Variants in PNPLA8 observed in about 807,000 individuals in gnomAD.
The protein encoded by PNPLA8 is patatin like domain 8, phospholipase A2, also known as calcium-independent phospholipase A2-gamma.
Under a neutral mutation model 76.9 loss-of-function variants are expected in PNPLA8, and 39 were observed. That is an observed-to-expected ratio of 0.51 (90% CI 0.39 to 0.66). The LOEUF is 0.66. Ranked by LOEUF, PNPLA8 falls within the 30% of genes least tolerant of loss-of-function variation. The probability of loss-of-function intolerance (pLI) is 0.00; values close to 1 mark genes in which losing one functional copy is unlikely to be tolerated. For synonymous variants in PNPLA8, 301 were observed against 307.9 expected, an observed-to-expected ratio of 0.98 and a Z score of 0.24; for missense variants, 887 against 918.0, an observed-to-expected ratio of 0.97 and a Z score of 0.44.
Position 108,502,523 on chromosome 7 carries a change from G to T in PNPLA8, c.1326C>A (p.Ile442=). ...GYVDPVKGRG[I]RILSIDGGGT... is the part of the protein sequence containing the mutation. Reference sequence around the variant, plus strand: ...CTCCACCATCAATTGAGAGAATTCGGATTCCTCTCCCTTTCACTGGATCCA... The same window carrying T: ...CTCCACCATCAATTGAGAGAATTCGTATTCCTCTCCCTTTCACTGGATCCA... The change falls in exon 5 of 11, where the codon ATC becomes ATA. Residue 442 remains isoleucine, a synonymous_variant. Coordinates refer to ENST00000257694, the MANE Select transcript of PNPLA8 (RefSeq NM_001256007.3). 6.2e-7 allele frequency: 1 copy of T among 1,610,096 alleles called. No homozygotes were observed. The highest frequency in any genetic ancestry group is 1.1e-5 in the South Asian group (1 of 90,848).
At position 108,516,034 on chromosome 7, in the gene PNPLA8, T is replaced by C. The variant is rs151020141; in HGVS notation, c.-83-460A>G. Among the ~76,000 whole-genome samples the C allele has an allele frequency of 5.7e-3, 863 of 152,322 alleles. 1 individual carries two copies. Among genetic ancestry groups the C allele is most frequent in the Non-Finnish European group, 9.7e-3 (660 of 68,022 alleles). ...CTATACCAGACATGGTGCTAGATGCTGAAGCCACACAGTTACAGGATATGA... is the reference window on the plus strand; with the variant it reads ...CTATACCAGACATGGTGCTAGATGCCGAAGCCACACAGTTACAGGATATGA... On this transcript the variant is annotated intron_variant, in intron 2 of 10. Coordinates refer to ENST00000257694, the MANE Select transcript of PNPLA8 (RefSeq NM_001256007.3).
intron 7 of PNPLA8, among the ~76,000 whole-genome samples, chr7:108,492,530 C>T (rs1028459050): frequency 6.6e-6 from 1 of 151,198 alleles, no homozygotes; most frequent in Admixed American, 6.6e-5. Flanking sequence ...TTCTCAAAAC[C>T]TAAAATGCTT....
chr7:108,527,802 CTG>C (rs1378930770), upstream of PNPLA8: 2 of 152,088 alleles, frequency 1.3e-5, no homozygotes, highest in Non-Finnish European at 2.9e-5. Flanking sequence ...CTTGCTAAAA[CTG>C]GACTCAGCAG....
At chr7:108,516,466 T>G (rs567604647) in intron 2 of PNPLA8, among the ~76,000 whole-genome samples, 1 of 152,220 alleles carries the variant, frequency 6.6e-6, no homozygotes, top group South Asian at 2.1e-4. Context: ...AGATTACAGA[T>G]CTAAATGTAA....
intron 4 of PNPLA8, chr7:108,510,868 G>A (rs1598950643): frequency 1.3e-6 from 2 of 1,594,894 alleles, no homozygotes; most frequent in Non-Finnish European, 1.7e-6. Flanking sequence ...CCTTCAAATT[G>A]TCTTCTCCAC....
chr7:108,525,563 G>A (rs969420419), intron 1 of PNPLA8, among the ~76,000 whole-genome samples: 7 of 152,196 alleles, frequency 4.6e-5, no homozygotes, highest in African/African-American at 1.7e-4. Flanking sequence ...ATCAAATGTG[G>A]ATGGGGTCAG....
At chr7:108,519,634 G>A (rs1863599237) in intron 2 of PNPLA8, among the ~76,000 whole-genome samples, 1 of 152,120 alleles carries the variant, frequency 6.6e-6, no homozygotes, top group Admixed American at 6.5e-5. Flanking sequence ...AGCAAAGCCT[G>A]CCTTGTCTTC....
rs777271916 is a variant in PNPLA8, at chr7:108,487,843, C to G, written c.1794G>C (p.Gln598His). The change falls in exon 9 of 11, where the codon CAG becomes CAC. Residue 598 changes from glutamine (Q) to histidine (H), a missense_variant. By Grantham distance (24) the Gln-to-His change is conservative. Coordinates refer to ENST00000257694, the MANE Select transcript of PNPLA8 (RefSeq NM_001256007.3). ...GINSHYLGGC[Q>H]YKMWQAIRAS... is the part of the protein sequence containing the mutation. ...CTCTAATGGCCTGCCACATTTTATACTGACAGCCTCCCAAATAATGAGAGT... is the reference window on the plus strand; with the variant it reads ...CTCTAATGGCCTGCCACATTTTATAGTGACAGCCTCCCAAATAATGAGAGT... The G allele has an allele frequency of 5.6e-6, 9 of 1,613,396 alleles. No homozygotes were observed. Among genetic ancestry groups the G allele is most frequent in the Non-Finnish European group, 6.8e-6 (8 of 1,179,412 alleles).
chr7:108,514,261 G>C lies in PNPLA8; in HGVS notation c.1089C>G (p.Thr363=). The C allele has an allele frequency of 6.2e-7, 1 of 1,612,056 alleles. No individual in the cohort carries two copies. The highest frequency in any genetic ancestry group is 1.7e-5 in the Admixed American group (1 of 59,986). The change falls in exon 4 of 11, where the codon ACC becomes ACG. Residue 363 remains threonine (T), a synonymous_variant. Coordinates refer to ENST00000257694, the MANE Select transcript of PNPLA8 (RefSeq NM_001256007.3). ...TTCTTAATGCCTGAACTAATGCCCG[G>C]GTCCTGTTATCAATACTCACCCTTG... ...IIARVSIDNR[T]RALVQALRRT...
At chr7:108,517,031 C>A (rs961329393) in intron 2 of PNPLA8, among the ~76,000 whole-genome samples, 2 of 152,054 alleles carry the variant, frequency 1.3e-5, no homozygotes, top group Non-Finnish European at 2.9e-5. Context: ...AGCTGTCATC[C>A]GTAATATCCA....
intron 9 of PNPLA8, among the ~76,000 whole-genome samples, chr7:108,481,877 T>A (rs756668467): frequency 2.0e-5 from 3 of 152,120 alleles, no homozygotes; most frequent in Non-Finnish European, 2.9e-5. Flanking sequence ...TTCTGGGGTG[T>A]GTTTGTGTGT....
At chr7:108,519,762 A>C (rs1381313113) in intron 2 of PNPLA8, among the ~76,000 whole-genome samples, 1 of 152,046 alleles carries the variant, frequency 6.6e-6, no homozygotes, top group Non-Finnish European at 1.5e-5. Flanking sequence ...CCCTATCTAC[A>C]AAAAGACCAG....
intron 9 of PNPLA8, among the ~76,000 whole-genome samples, chr7:108,486,283 T>A (rs2154515101): frequency 6.6e-6 from 1 of 152,262 alleles, no homozygotes; most frequent in South Asian, 2.1e-4. Context: ...ACTATTAAGG[T>A]TATAACTTAA....
chr7:108,515,584 C>A lies in PNPLA8; in HGVS notation c.-83-10G>T, dbSNP rs1863280918. 4 of 1,252,904 alleles carry A rather than the reference C, an allele frequency of 3.2e-6. No individual in the cohort carries two copies. Among genetic ancestry groups the A allele is most frequent in the South Asian group, 3.5e-5 (1 of 28,548 alleles). 77.6% of individuals were successfully genotyped at this position (1,252,904 alleles called of 1,614,324 possible). A position where few individuals can be genotyped will look rare whatever the true frequency, so the allele number is the denominator to read the frequency against. On this transcript the variant is annotated splice_polypyrimidine_tract_variant and intron_variant, in intron 2 of 10. Transcript: ENST00000257694. Reference sequence around the variant, plus strand: ...TAATTCATGGTCTTACCTGAAATGGCAAGAAAAAAAATTAGAATTCAAGTT... The same window carrying A: ...TAATTCATGGTCTTACCTGAAATGGAAAGAAAAAAAATTAGAATTCAAGTT...
chr7:108,472,650 C>G lies in PNPLA8; in HGVS notation c.2100G>C (p.Leu700=). The change falls in exon 11 of 11, where the codon CTG becomes CTC. Residue 700 remains leucine (L), a synonymous_variant. Transcript: ENST00000257694. ...ATCTAAAATAGGTGTCAGGAGGTAACAGGCCATCAAGCATTATATGGACTT... is the reference window on the plus strand; with the variant it reads ...ATCTAAAATAGGTGTCAGGAGGTAAGAGGCCATCAAGCATTATATGGACTT... ...TEEVHIMLDG[L]LPPDTYFRFN... 6.3e-7 allele frequency: 1 copy of G among 1,591,680 alleles called. No homozygotes were observed. Among genetic ancestry groups the G allele is most frequent in the Non-Finnish European group, 8.5e-7 (1 of 1,173,864 alleles).
chr7:108,514,344 G>A, intron 3 of PNPLA8, 51 bp from the exon 4 acceptor site: 1 of 1,548,162 alleles, frequency 6.5e-7, no homozygotes, highest in Non-Finnish European at 8.8e-7. Flanking sequence ...CTGCTCTAAA[G>A]AACAATGAAA....
intron 8 of PNPLA8, among the ~76,000 whole-genome samples, chr7:108,489,770 C>T (rs194585): frequency 0.64 from 97,064 of 152,022 alleles, 31,404 homozygotes; most frequent in African/African-American, 0.75. Flanking sequence ...GGTTACAGTT[C>T]GTTATCTGAG....
At chr7:108,519,795 T>C (rs1563991699) in intron 2 of PNPLA8, among the ~76,000 whole-genome samples, 1 of 151,508 alleles carries the variant, frequency 6.6e-6, no homozygotes. Flanking sequence ...AGGGGAACAA[T>C]TGTTTTCCCT....
chr7:108,475,177 A>G (rs1279766570), intron 10 of PNPLA8, among the ~76,000 whole-genome samples: 1 of 152,136 alleles, frequency 6.6e-6, no homozygotes. Context: ...AGATAAGACC[A>G]TCTAGTTGGA....
Sources: allele counts gnomAD v4.1 joint callset (sites outside exome capture counted in the v4.1 genomes callset), GRCh38; gene constraint gnomAD v4.1.1; transcripts MANE v1.5; gene names NCBI Gene and HGNC (gene_info 2026-07-23, HGNC 2026-07-21).